Variants in IL12RB1 observed in about 807,000 individuals in gnomAD.
IL12RB1 encodes interleukin-12 receptor subunit beta-1.
Under a neutral mutation model 94.4 loss-of-function variants are expected in IL12RB1, and 64 were observed. The observed-to-expected ratio is 0.68, with a 90% CI of 0.55 to 0.83. IL12RB1 has a LOEUF of 0.83. Ranked by LOEUF, IL12RB1 falls within the 40% of genes least tolerant of loss-of-function variation. The pLI is 0.00. For synonymous variants in IL12RB1, 362 were observed against 355.5 expected (o/e 1.02, Z -0.21); for missense variants, 814 against 855.6 (o/e 0.95, Z 0.61).
chr19:18,072,536 C>T (rs868395829), intron 8 of IL12RB1, among the ~76,000 whole-genome samples, 187 bp from the exon 9 acceptor site: 1 of 152,128 alleles, frequency 6.6e-6, no homozygotes, highest in Non-Finnish European at 1.5e-5. Flanking sequence ...ATTCACCTCC[C>T]GCACACATCT....
chr19:18,063,784 G>A, intron 13 of IL12RB1, 92 bp downstream of exon 13: 1 of 1,189,476 alleles, frequency 8.4e-7, no homozygotes. Context: ...CATAGAGGGA[G>A]TGAGAGTGAG....
At position 18,073,594 on chromosome 19, in the gene IL12RB1, G is replaced by T; in HGVS notation, c.706C>A (p.Pro236Thr). 2 of 1,608,308 alleles carry T rather than the reference G, an allele frequency of 1.2e-6. No individual in the cohort carries two copies. Among genetic ancestry groups the T allele is most frequent in the Non-Finnish European group, 1.7e-6 (2 of 1,175,020 alleles). The change falls in exon 8 of 17, where the codon CCC (proline) becomes ACC (threonine). Residue 236 changes from proline to threonine, a missense_variant. Pro to Thr is a conservative substitution (Grantham distance 38). Transcript: ENST00000593993. ...GAGAATCTCACCTGAGGCTGTGGGG[G>T]GTTTTCTGCAATCAGAACCAAACCA... The part of the protein sequence containing the change: ...SSPVCVPPEN[P>T]PQPQVRFSVE...
At position 18,062,207 on chromosome 19, in the gene IL12RB1, G is replaced by C. The variant is rs751472113; in HGVS notation, c.1689C>G (p.Gly563=). 4 of 1,612,642 alleles carry C rather than the reference G, an allele frequency of 2.5e-6. No individual in the cohort carries two copies. The South Asian group carries it at 4.4e-5, about 18-fold the overall frequency. Residue 563 remains glycine, a synonymous_variant, in exon 14 of 17, where the codon GGC becomes GGG. Transcript: ENST00000593993. The part of the protein sequence containing the change: ...LGSFLSILLV[G]VLGYLGLNRA... ...TGTTCAGGCCAAGGTAGCCAAGGAC[G>C]CCCACGAGAAGGATGCTCAGGAAGC... is the stretch of plus-strand genomic sequence containing the variant.
intron 8 of IL12RB1, among the ~76,000 whole-genome samples, chr19:18,072,674 A>G (rs1385803533): frequency 6.6e-6 from 1 of 152,048 alleles, no homozygotes; most frequent in Non-Finnish European, 1.5e-5. Context: ...GAGGCCGGGC[A>G]CGGGGGCTCA....
intron 3 of IL12RB1, among the ~76,000 whole-genome samples, chr19:18,081,438 C>G (rs1024050700): frequency 3.3e-5 from 5 of 152,036 alleles, no homozygotes; most frequent in Admixed American, 2.6e-4. Context: ...CTCCCCCAGC[C>G]TGGGGGTTCC....
chr19:18,068,037 T>TC (rs1292026407), intron 11 of IL12RB1, among the ~76,000 whole-genome samples: 1 of 139,300 alleles, frequency 7.2e-6, no homozygotes, highest in African/African-American at 2.7e-5. Flanking sequence ...TTTTTTTTTT[T>TC]TTTTTTGAGA....
chr19:18,090,257 G>A (rs2036572150), upstream of IL12RB1, among the ~76,000 whole-genome samples: 1 of 150,432 alleles, frequency 6.6e-6, no homozygotes, highest in African/African-American at 2.4e-5. Flanking sequence ...CTGGGAGGCT[G>A]AGGCTTAAGC....
upstream of IL12RB1, chr19:18,091,655 A>G (rs552965585): frequency 5.3e-5 from 8 of 152,264 alleles, no homozygotes; most frequent in East Asian, 9.6e-4. Context: ...TCATCATTCA[A>G]TCAGGACTTT....
intron 1 of IL12RB1, among the ~76,000 whole-genome samples, chr19:18,098,049 G>A (rs2037143309): frequency 6.6e-6 from 1 of 152,170 alleles, no homozygotes; most frequent in African/African-American, 2.4e-5. Context: ...TAGGGAAACT[G>A]AGGCTCCAAG....
intron 2 of IL12RB1, chr19:18,083,128 G>C (rs549907433): frequency 1.0e-4 from 53 of 520,172 alleles, no homozygotes; most frequent in Middle Eastern, 1.0e-3. Flanking sequence ...TATCAGGTTG[G>C]GGGGGGGGCT....
intron 10 of IL12RB1, 143 bp downstream of exon 10, chr19:18,069,403 C>T (rs2034841034): frequency 3.7e-6 from 3 of 812,588 alleles, no homozygotes; most frequent in Non-Finnish European, 5.7e-6. Context: ...CCTGTCCCTA[C>T]CTCTGTATGA....
chr19:18,098,362 G>C (rs143202587), intron 1 of IL12RB1, among the ~76,000 whole-genome samples: 1 of 130,678 alleles, frequency 7.7e-6, no homozygotes, highest in African/African-American at 2.6e-5. Flanking sequence ...AGGTCGCCTA[G>C]CTGGGATTCG....
chr19:18,066,666 C>T lies in IL12RB1; in HGVS notation c.1359G>A (p.Ser453=), dbSNP rs377432757. 1.1e-5 allele frequency: 18 copies of T among 1,610,112 alleles called. No homozygotes were observed. In the East Asian group the frequency reaches 1.8e-4, roughly 16 times the overall value. Residue 453 remains serine, a synonymous_variant, in exon 12 of 17, where the codon TCG becomes TCA. Coordinates refer to ENST00000593993, the MANE Select transcript of IL12RB1 (RefSeq NM_005535.3). ...ASAAGTPHHV[S]VKNHSLDSVS... is the part of the protein sequence containing the mutation. ...CAGAGTCCAAGCTATGATTCTTCAC[C>T]GAGACGTGGTGCGGTGTCCCAGCTG...
chr19:18,098,888 C>T, exon 1 of IL12RB1: 1 of 442,112 alleles, frequency 2.3e-6, no homozygotes, highest in Non-Finnish European at 4.5e-6. Flanking sequence ...AGCGGTGACC[C>T]CACGGAGTGA....
At chr19:18,067,196 C>T (rs1369258042) in intron 11 of IL12RB1, among the ~76,000 whole-genome samples, 7 of 151,532 alleles carry the variant, frequency 4.6e-5, no homozygotes, top group African/African-American at 1.5e-4. Flanking sequence ...TGATGGTGGG[C>T]GCCTGTAATC....
intron 12 of IL12RB1, among the ~76,000 whole-genome samples, chr19:18,065,664 C>T (rs753630089): frequency 2.6e-5 from 4 of 152,040 alleles, no homozygotes; most frequent in Non-Finnish European, 5.9e-5. Flanking sequence ...GCTAAAAATA[C>T]AAAAATTTGC....
In IL12RB1 at chr19:18,086,781, A is replaced by G. The variant is rs1429095330; in HGVS notation, c.43T>C (p.Phe15Leu). Residue 15 changes from phenylalanine (F) to leucine (L), a missense_variant, in exon 1 of 17, where the codon TTC (phenylalanine) becomes CTC (leucine). Phe to Leu is a conservative substitution (Grantham distance 22). Coordinates refer to ENST00000593993, the MANE Select transcript of IL12RB1 (RefSeq NM_005535.3). ...VTWVVPLLFL[F>L]LLSRQGAACR... ...TCACCGCCCTGCCTGGACAGCAGGA[A>G]GAGGAAGAGGAGGGGGACCACCCAG... 2 of 1,611,860 alleles carry G rather than the reference A, an allele frequency of 1.2e-6. No individual in the cohort carries two copies. Among genetic ancestry groups the G allele is most frequent in the Non-Finnish European group, 1.7e-6 (2 of 1,179,350 alleles).
chr19:18,083,129 G>T (rs367849656), intron 2 of IL12RB1: 66 of 547,100 alleles, frequency 1.2e-4, no homozygotes, highest in Non-Finnish European at 1.5e-4. Context: ...ATCAGGTTGG[G>T]GGGGGGGCTT....
At chr19:18,065,547 G>A (rs12460450) in intron 12 of IL12RB1, among the ~76,000 whole-genome samples, 42,075 of 151,840 alleles carry the variant, frequency 0.28, 7,457 homozygotes, top group Non-Finnish European at 0.39. Flanking sequence ...GGCCGGACAC[G>A]GTGGCTCACA....
Sources: gnomAD v4.1 joint callset for allele counts (sites outside exome capture counted in the v4.1 genomes callset) on GRCh38, gnomAD v4.1.1 for gene constraint, MANE v1.5 for transcripts, NCBI Gene and HGNC (gene_info 2026-07-23, HGNC 2026-07-21) for gene names.